ARFGEF1: variants seen among roughly 807,000 people sequenced by gnomAD.
ARFGEF1 encodes the protein ARF guanine nucleotide exchange factor 1, also known as brefeldin A-inhibited guanine nucleotide-exchange protein 1.
A neutral mutation model predicts 231.0 loss-of-function variants in ARFGEF1; 42 were observed. The ratio of observed to expected loss-of-function variants is 0.18; its 90% CI spans 0.14 to 0.24. The LOEUF is 0.24. ARFGEF1 is among the 10% of genes least tolerant of loss of function. The probability of loss-of-function intolerance (pLI) is 1.00; values close to 1 mark genes in which losing one functional copy is unlikely to be tolerated. For synonymous variants in ARFGEF1, 710 were observed against 732.3 expected (o/e 0.97, Z 0.49); for missense variants, 1,345 against 2,192.0 (o/e 0.61, Z 7.72).
At chr8:67,209,027 TG>T (rs1174412271) in intron 34 of ARFGEF1, among the ~76,000 whole-genome samples, 1 of 152,192 alleles carries the variant, frequency 6.6e-6, no homozygotes, top group Non-Finnish European at 1.5e-5. Context: ...GAAAATTGCT[TG>T]GTGGTTCCTC....
chr8:67,278,983 G>T (rs949766314), intron 7 of ARFGEF1, among the ~76,000 whole-genome samples: 7 of 151,992 alleles, frequency 4.6e-5, no homozygotes, highest in African/African-American at 1.7e-4. Flanking sequence ...AAATGCATAG[G>T]CCAGGCACGG....
chr8:67,300,660 CAAAAAAAAAA>C (rs200434355), intron 3 of ARFGEF1, among the ~76,000 whole-genome samples: 38,927 of 89,302 alleles, frequency 0.44, 5,766 homozygotes, highest in East Asian at 0.56. Flanking sequence ...CTTGTCTCTT[CAAAAAAAAAA>C]AAAAAAAAAA....
rs764373786 is a variant in ARFGEF1 at position 67,257,856 on chromosome 8, T to C, written c.2442-40A>G. ...GTATCATGTTATAAACTTCTACTGTTTTATATAGTTTCATTTAAATAAGTC... is the reference window on the plus strand; with the variant it reads ...GTATCATGTTATAAACTTCTACTGTCTTATATAGTTTCATTTAAATAAGTC... On this transcript the variant is annotated intron_variant, in intron 16 of 38. Transcript: ENST00000262215. 16 of 1,501,558 alleles carry C rather than the reference T, an allele frequency of 1.1e-5. No homozygotes were observed. The Admixed American group carries it at 2.0e-4, about 19-fold the overall frequency. 93.0% of individuals were successfully genotyped at this position (1,501,558 alleles called of 1,614,324 possible). A position where few individuals can be genotyped will look rare whatever the true frequency, so the allele number is the denominator to read the frequency against.
At chr8:67,180,531 C>A (rs1832763250) in intron 5 of ARFGEF1, among the ~76,000 whole-genome samples, 1 of 152,022 alleles carries the variant, frequency 6.6e-6, no homozygotes, top group Non-Finnish European at 1.5e-5. Flanking sequence ...TAGATACATA[C>A]ATGTAAATGG....
chr8:67,254,358 T>A (rs1335847139), intron 17 of ARFGEF1, among the ~76,000 whole-genome samples: 1 of 152,206 alleles, frequency 6.6e-6, no homozygotes, highest in Non-Finnish European at 1.5e-5. Flanking sequence ...TGAAGAGACA[T>A]TTATTTAATT....
downstream of ARFGEF1, chr8:67,175,185 C>A (rs1481001584): frequency 5.2e-6 from 4 of 767,454 alleles, no homozygotes; most frequent in South Asian, 1.8e-5. Flanking sequence ...CTATTTCTAT[C>A]ATTTCCTTGA....
In ARFGEF1 at chr8:67,267,450, T is replaced by A; in HGVS notation, c.1573-8A>T. On this transcript the variant is annotated splice_region_variant and splice_polypyrimidine_tract_variant and intron_variant, in intron 10 of 38. Transcript: ENST00000262215. Reference sequence around the variant, plus strand: ...AATTTCTTTAAAGAACACCTGTGATTAGGAGAAAACTTCTGTTTAAAATAT... The same window carrying A: ...AATTTCTTTAAAGAACACCTGTGATAAGGAGAAAACTTCTGTTTAAAATAT... The A allele has an allele frequency of 6.5e-7, 1 of 1,530,052 alleles. No homozygotes were observed. The highest frequency in any genetic ancestry group is 1.2e-5 in the South Asian group (1 of 86,436). The allele number at this position is 1,530,052 out of a possible 1,614,324, so 94.8% of individuals were successfully genotyped here.
At chr8:67,310,864 C>G (rs1806984052) in intron 1 of ARFGEF1, among the ~76,000 whole-genome samples, 1 of 151,622 alleles carries the variant, frequency 6.6e-6, no homozygotes, top group African/African-American at 2.4e-5. Context: ...CGCCTGGCAG[C>G]TGCCCCGTCT....
chr8:67,218,824 A>G (rs932027840), intron 30 of ARFGEF1, among the ~76,000 whole-genome samples: 1 of 152,220 alleles, frequency 6.6e-6, no homozygotes, highest in Non-Finnish European at 1.5e-5. Flanking sequence ...ATAAAAAAGA[A>G]GTCACTATAT....
At chr8:67,193,381 G>A, downstream of ARFGEF1, 1 of 1,251,092 alleles carries the variant, frequency 8.0e-7, no homozygotes, top group African/African-American at 1.5e-5. Context: ...ACAGGTGATA[G>A]GCACCATGCC....
At chr8:67,251,529 A>G (rs1290535816) in intron 18 of ARFGEF1, 79 bp from the exon 19 acceptor site, 23 of 1,299,860 alleles carry the variant, frequency 1.8e-5, no homozygotes, top group Non-Finnish European at 2.3e-5. Flanking sequence ...ATCAAATAAT[A>G]AACACCACCA....
chr8:67,267,661 T>C (rs1372566072), intron 10 of ARFGEF1, among the ~76,000 whole-genome samples: 1 of 152,208 alleles, frequency 6.6e-6, no homozygotes, highest in Non-Finnish European at 1.5e-5. Context: ...TTCACATTGA[T>C]GTGTTTTGTT....
At chr8:67,175,400 A>G, downstream of ARFGEF1, 1 of 1,614,220 alleles carries the variant, frequency 6.2e-7, no homozygotes, top group South Asian at 1.1e-5. Context: ...GCAGCAGAAG[A>G]GGCTGAACAG....
At chr8:67,249,672 G>C (rs1358239866) in intron 19 of ARFGEF1, among the ~76,000 whole-genome samples, 1 of 138,528 alleles carries the variant, frequency 7.2e-6, no homozygotes, top group Non-Finnish European at 1.5e-5. Context: ...GCCCAGGCTA[G>C]AGTGCAGTGG....
At chr8:67,264,883 A>G (rs73258617) in intron 14 of ARFGEF1, among the ~76,000 whole-genome samples, 2,204 of 152,308 alleles carry the variant, frequency 0.014, 51 homozygotes, top group African/African-American at 0.049. Context: ...ATTTTTAAAA[A>G]TTGCTCATGT....
chr8:67,238,547 A>G (rs960438743), intron 21 of ARFGEF1, 54 bp from the exon 22 acceptor site: 7 of 1,531,856 alleles, frequency 4.6e-6, no homozygotes, highest in Non-Finnish European at 5.3e-6. Context: ...ATATCTTCAA[A>G]AAGATTTAAA....
At chr8:67,286,214 A>G (rs563802551) in intron 7 of ARFGEF1, among the ~76,000 whole-genome samples, 6 of 152,336 alleles carry the variant, frequency 3.9e-5, no homozygotes, top group Admixed American at 3.9e-4. Flanking sequence ...AGACACATAC[A>G]TTATGTGCAT....
At chr8:67,203,606 A>G (rs774284650) in intron 35 of ARFGEF1, among the ~76,000 whole-genome samples, 2 of 152,192 alleles carry the variant, frequency 1.3e-5, no homozygotes, top group African/African-American at 4.8e-5. Flanking sequence ...TGGCCATGTC[A>G]TCATGTGTGA....
intron 1 of ARFGEF1, among the ~76,000 whole-genome samples, chr8:67,314,353 C>G (rs189431669): frequency 4.6e-5 from 7 of 152,204 alleles, no homozygotes; most frequent in Middle Eastern, 3.4e-3. Flanking sequence ...GGAGTTTTAC[C>G]CCCCTGCTCC....
Sources: gnomAD v4.1 joint callset for allele counts (sites outside exome capture counted in the v4.1 genomes callset) on GRCh38, gnomAD v4.1.1 for gene constraint, MANE v1.5 for transcripts, NCBI Gene and HGNC (gene_info 2026-07-23, HGNC 2026-07-21) for gene names.